SDK1: variants seen among roughly 807,000 people sequenced by gnomAD.
SDK1 encodes the protein protein sidekick-1.
In SDK1, 157 loss-of-function variants were observed where a neutral mutation model predicts 245.5. The observed-to-expected ratio is 0.64, with a 90% confidence interval of 0.56 to 0.73. SDK1 has a LOEUF of 0.73. Ranked by LOEUF, SDK1 falls within the 30% of genes least tolerant of loss-of-function variation. The pLI, the probability that SDK1 is intolerant of heterozygous loss-of-function variation, is 0.00. For synonymous variants in SDK1, 1,647 were observed against 1,278.5 expected (o/e 1.29, Z -6.15); for missense variants, 3,583 against 3,002.3 (o/e 1.19, Z -4.52).
At chr7:3,608,874 G>A (rs1325834443) in intron 1 of SDK1, among the ~76,000 whole-genome samples, 1 of 152,158 alleles carries the variant, frequency 6.6e-6, no homozygotes, top group African/African-American at 2.4e-5. Context: ...GTTTGAAAAG[G>A]CAATTAAAAT....
intron 1 of SDK1, among the ~76,000 whole-genome samples, chr7:3,587,398 C>T (rs1475421067): frequency 6.6e-6 from 1 of 151,986 alleles, no homozygotes; most frequent in East Asian, 1.9e-4. Context: ...GATCTATCAG[C>T]TGCAAAGTGG....
chr7:4,139,355 A>G (rs1779311168), intron 28 of SDK1, among the ~76,000 whole-genome samples: 1 of 152,100 alleles, frequency 6.6e-6, no homozygotes, highest in South Asian at 2.1e-4. Flanking sequence ...ATCTGTATGT[A>G]TAAACAACTA....
At chr7:3,945,467 T>C (rs1368473761) in intron 5 of SDK1, among the ~76,000 whole-genome samples, 1 of 152,134 alleles carries the variant, frequency 6.6e-6, no homozygotes, top group Non-Finnish European at 1.5e-5. Flanking sequence ...ATTTATACTC[T>C]CCGAGACATT....
chr7:3,390,229 T>C (rs946219317), intron 1 of SDK1, among the ~76,000 whole-genome samples: 2 of 152,186 alleles, frequency 1.3e-5, no homozygotes, highest in Admixed American at 6.5e-5. Flanking sequence ...GGGTGCCCTT[T>C]CTGACAGCCT....
chr7:3,504,057 G>C (rs1432477861), intron 1 of SDK1, among the ~76,000 whole-genome samples: 1 of 151,926 alleles, frequency 6.6e-6, no homozygotes, highest in Admixed American at 6.6e-5. Flanking sequence ...GGCTGAGGCA[G>C]GAGAATTGCT....
At chr7:3,827,580 C>G (rs954256134) in intron 5 of SDK1, among the ~76,000 whole-genome samples, 1 of 152,186 alleles carries the variant, frequency 6.6e-6, no homozygotes, top group African/African-American at 2.4e-5. Flanking sequence ...GAGGTGGGAC[C>G]TACGTGTGTT....
chr7:3,558,644 A>G (rs1779660646), intron 1 of SDK1, among the ~76,000 whole-genome samples: 2 of 152,208 alleles, frequency 1.3e-5, no homozygotes. Context: ...CAGCTGTTAG[A>G]GCGACCGCTG....
intron 1 of SDK1, among the ~76,000 whole-genome samples, chr7:3,348,515 A>G (rs1780567705): frequency 6.6e-6 from 1 of 152,186 alleles, no homozygotes; most frequent in African/African-American, 2.4e-5. Flanking sequence ...ATATGGACAT[A>G]AAGATGGGAA....
intron 4 of SDK1, among the ~76,000 whole-genome samples, chr7:3,701,135 A>G (rs961312585): frequency 6.6e-6 from 1 of 152,226 alleles, no homozygotes; most frequent in African/African-American, 2.4e-5. Context: ...ACAAAAATCA[A>G]TCACATTTCT....
At chr7:3,562,341 T>A (rs1562564589) in intron 1 of SDK1, among the ~76,000 whole-genome samples, 1 of 152,210 alleles carries the variant, frequency 6.6e-6, no homozygotes, top group East Asian at 1.9e-4. Flanking sequence ...TACTTTGGCC[T>A]TTTCTTCCAT....
At chr7:3,444,273 C>A (rs1562489956) in intron 1 of SDK1, among the ~76,000 whole-genome samples, 2 of 152,188 alleles carry the variant, frequency 1.3e-5, no homozygotes, top group Admixed American at 6.5e-5. Flanking sequence ...TGCCTGCTAG[C>A]TGGTTTTGCC....
chr7:3,946,838 G>T (rs189427608), intron 5 of SDK1, among the ~76,000 whole-genome samples: 101 of 152,320 alleles, frequency 6.6e-4, no homozygotes, highest in Admixed American at 2.2e-3. Context: ...GAGCTGGGTA[G>T]ATTGCCTTCA....
At chr7:4,141,526 A>G (rs1251239642) in intron 28 of SDK1, among the ~76,000 whole-genome samples, 1 of 152,220 alleles carries the variant, frequency 6.6e-6, no homozygotes, top group African/African-American at 2.4e-5. Context: ...ATTCAGACAT[A>G]GTCACTGAAA....
At chr7:4,089,418 G>C (rs1031668465) in intron 22 of SDK1, among the ~76,000 whole-genome samples, 1 of 152,262 alleles carries the variant, frequency 6.6e-6, no homozygotes, top group African/African-American at 2.4e-5. Context: ...CGCCTCAGGG[G>C]GCCTCTGTGC....
chr7:3,474,429 C>T (rs1417243455), intron 1 of SDK1, among the ~76,000 whole-genome samples: 1 of 151,970 alleles, frequency 6.6e-6, no homozygotes, highest in East Asian at 1.9e-4. Context: ...CCTCACATCC[C>T]TCCTGTCCAG....
At chr7:3,350,201 G>T (rs11770807) in intron 1 of SDK1, among the ~76,000 whole-genome samples, 58,336 of 151,968 alleles carry the variant, frequency 0.38, 11,441 homozygotes, top group African/African-American at 0.46. Flanking sequence ...CAGTCTATCA[G>T]AAAACATAGG....
intron 1 of SDK1, among the ~76,000 whole-genome samples, chr7:3,403,242 T>C (rs1778938670): frequency 6.6e-6 from 1 of 152,172 alleles, no homozygotes; most frequent in African/African-American, 2.4e-5. Flanking sequence ...CCTATACTTC[T>C]GTTTCTTATG....
chr7:4,118,002 C>T (rs1186600022), intron 25 of SDK1, among the ~76,000 whole-genome samples: 2 of 152,022 alleles, frequency 1.3e-5, no homozygotes, highest in Admixed American at 1.3e-4. Context: ...ATATGGATGG[C>T]CCAGGAACTC....
chr7:3,466,979 T>TACACAA (rs1554275625), intron 1 of SDK1, among the ~76,000 whole-genome samples: 1 of 127,544 alleles, frequency 7.8e-6, no homozygotes, highest in African/African-American at 3.1e-5. Context: ...TCTCTCTCTC[T>TACACAA]ACACACACAC....
Sources: allele counts gnomAD v4.1 joint callset (sites outside exome capture counted in the v4.1 genomes callset), GRCh38; gene constraint gnomAD v4.1.1; transcripts MANE v1.5; gene names NCBI Gene and HGNC (gene_info 2026-07-23, HGNC 2026-07-21).